AFG1L: variants seen among roughly 807,000 people sequenced by gnomAD.
The protein encoded by AFG1L is AFG1 like ATPase, also known as AFG1-like ATPase.
A neutral mutation model predicts 62.2 loss-of-function variants in AFG1L; 53 were observed. The observed-to-expected ratio is 0.85, with a 90% CI of 0.68 to 1.07. AFG1L has a LOEUF of 1.07. Ranked by LOEUF, AFG1L falls within the 50% of genes least tolerant of loss-of-function variation. AFG1L has a pLI of 0.00. For missense variants in AFG1L, 555 were observed against 590.5 expected, an observed-to-expected ratio of 0.94 and a Z score of 0.62; for synonymous variants, 228 against 210.3, an observed-to-expected ratio of 1.08 and a Z score of -0.73.
intron 8 of AFG1L, among the ~76,000 whole-genome samples, chr6:108,450,430 C>A (rs1416920408): frequency 3.3e-5 from 5 of 152,242 alleles, no homozygotes; most frequent in African/African-American, 1.2e-4. Flanking sequence ...ATATCCTTCG[C>A]CCACTTGTTG....
intron 1 of AFG1L, among the ~76,000 whole-genome samples, chr6:108,302,955 A>G (rs528195): frequency 0.013 from 2,029 of 151,724 alleles, 35 homozygotes; most frequent in African/African-American, 0.043. Context: ...AGTTTCCTTG[A>G]CTCTGGAAAT....
chr6:108,310,372 A>G (rs1011147101), intron 1 of AFG1L, among the ~76,000 whole-genome samples: 1 of 152,202 alleles, frequency 6.6e-6, no homozygotes, highest in Non-Finnish European at 1.5e-5. Flanking sequence ...GACTAATGAT[A>G]TTGAGTATCA....
chr6:108,304,008 A>AT (rs932712794), intron 1 of AFG1L, among the ~76,000 whole-genome samples: 17 of 152,114 alleles, frequency 1.1e-4, no homozygotes, highest in South Asian at 4.2e-4. Flanking sequence ...TTAAAGTACA[A>AT]TTTTTTTTCC....
intron 2 of AFG1L, among the ~76,000 whole-genome samples, chr6:108,326,225 C>G (rs550043632): frequency 1.3e-5 from 2 of 152,268 alleles, no homozygotes; most frequent in Non-Finnish European, 2.9e-5. Context: ...GCATGCATCA[C>G]CATGCTCCAC....
chr6:108,458,163 T>C (rs527942599), intron 8 of AFG1L, among the ~76,000 whole-genome samples: 1 of 152,286 alleles, frequency 6.6e-6, no homozygotes, highest in East Asian at 1.9e-4. Context: ...TGGTTGTGCT[T>C]CTTGGATGTG....
At chr6:108,296,635 TTTC>T (rs1776777558) in intron 1 of AFG1L, among the ~76,000 whole-genome samples, 1 of 152,210 alleles carries the variant, frequency 6.6e-6, no homozygotes, top group Non-Finnish European at 1.5e-5. Flanking sequence ...TAATTGTTAA[TTTC>T]TTTTTAAATT....
chr6:108,337,093 C>T (rs1778501910), intron 2 of AFG1L, among the ~76,000 whole-genome samples: 1 of 152,198 alleles, frequency 6.6e-6, no homozygotes, highest in African/African-American at 2.4e-5. Context: ...CTCCTGGGCT[C>T]ATGTGATCCT....
At chr6:108,472,643 A>G (rs1157604307) in intron 8 of AFG1L, among the ~76,000 whole-genome samples, 1 of 151,574 alleles carries the variant, frequency 6.6e-6, no homozygotes, top group Admixed American at 6.6e-5. Flanking sequence ...TGTTAAAAAC[A>G]GAATGATTTT....
At chr6:108,358,496 T>C (rs1428976111) in intron 5 of AFG1L, among the ~76,000 whole-genome samples, 1 of 152,174 alleles carries the variant, frequency 6.6e-6, no homozygotes, top group Non-Finnish European at 1.5e-5. Flanking sequence ...AAATGTAGAT[T>C]TCAAAACTTT....
At chr6:108,451,494 G>C (rs1202816645) in intron 8 of AFG1L, among the ~76,000 whole-genome samples, 1 of 152,110 alleles carries the variant, frequency 6.6e-6, no homozygotes. Context: ...GAATCCTAGA[G>C]TACCTTCGTA....
At chr6:108,477,997 A>G (rs1372893568) in intron 10 of AFG1L, among the ~76,000 whole-genome samples, 1 of 152,208 alleles carries the variant, frequency 6.6e-6, no homozygotes, top group Non-Finnish European at 1.5e-5. Context: ...AATTTTAAGC[A>G]TAATTTTTCG....
At chr6:108,425,791 G>A (rs1324207659) in intron 7 of AFG1L, among the ~76,000 whole-genome samples, 1 of 151,948 alleles carries the variant, frequency 6.6e-6, no homozygotes, top group East Asian at 1.9e-4. Context: ...TTATATAAAA[G>A]TATAATCTAT....
intron 1 of AFG1L, among the ~76,000 whole-genome samples, chr6:108,316,400 A>G (rs1475337915): frequency 6.6e-6 from 1 of 150,826 alleles, no homozygotes; most frequent in African/African-American, 2.4e-5. Context: ...AAAAAAAAAA[A>G]AAAAAAAATC....
At chr6:108,349,011 G>A (rs911540574) in intron 3 of AFG1L, among the ~76,000 whole-genome samples, 4 of 152,160 alleles carry the variant, frequency 2.6e-5, no homozygotes, top group Non-Finnish European at 5.9e-5. Context: ...ATTCATCTGA[G>A]TGTTTGAAAG....
At chr6:108,467,183 TTG>T (rs1195082930) in intron 8 of AFG1L, among the ~76,000 whole-genome samples, 3 of 152,212 alleles carry the variant, frequency 2.0e-5, no homozygotes, top group African/African-American at 7.2e-5. Context: ...AATTAATGCA[TTG>T]TGTTTCAGAA....
intron 7 of AFG1L, among the ~76,000 whole-genome samples, chr6:108,435,127 G>A (rs1479467429): frequency 2.6e-5 from 4 of 152,188 alleles, no homozygotes; most frequent in East Asian, 1.9e-4. Flanking sequence ...TTGGACAAAC[G>A]AGATTGGCAG....
At chr6:108,453,366 A>C (rs994820455) in intron 8 of AFG1L, among the ~76,000 whole-genome samples, 1 of 152,236 alleles carries the variant, frequency 6.6e-6, no homozygotes, top group Admixed American at 6.5e-5. Context: ...TACTTTTACT[A>C]GTGGAAGTTT....
At position 108,399,767 on chromosome 6, in the gene AFG1L, CT is replaced by C. The variant is rs1441716569; in HGVS notation, c.749-2228del. On this transcript the variant is annotated intron_variant, in intron 6 of 12. Coordinates refer to ENST00000368977, the MANE Select transcript of AFG1L (RefSeq NM_145315.5). ...GCTGGGGTGGGGTGTGGAAGTATCT[CT>C]CTTTTTTTTTTTTTTTTTTTTTTTT... 7.5e-5 allele frequency among the ~76,000 whole-genome samples: 6 copies of C among 79,828 alleles called. No homozygotes were observed. In the East Asian group the frequency reaches 2.3e-3, roughly 30 times the overall value. 52.4% of individuals were successfully genotyped at this position (79,828 alleles called of 152,430 possible).
rs1776709226 is a variant in AFG1L at position 108,295,112 on chromosome 6, G to T, written c.33G>T (p.Leu11=). The change falls in exon 1 of 13, where the codon CTG becomes CTT. Residue 11 remains leucine, a synonymous_variant. Transcript: ENST00000368977. ...CCTCCTGGTCGCTCTTGGTTACCCT[G>T]CGCCCCTTAGCACAGAGCCCGCTGA... The part of the protein sequence containing the change: MAASWSLLVT[L]RPLAQSPLRG... 1 of 1,611,460 alleles carries T rather than the reference G, an allele frequency of 6.2e-7. No homozygotes were observed.
Sources: gnomAD v4.1 joint callset for allele counts (sites outside exome capture counted in the v4.1 genomes callset) on GRCh38, gnomAD v4.1.1 for gene constraint, MANE v1.5 for transcripts, NCBI Gene and HGNC (gene_info 2026-07-23, HGNC 2026-07-21) for gene names.